Variants in LRCH1 observed in about 807,000 individuals in gnomAD.
The protein encoded by LRCH1 is leucine-rich repeat and calponin homology domain-containing protein 1.
A neutral mutation model predicts 94.9 loss-of-function variants in LRCH1; 23 were observed. The ratio of observed to expected loss-of-function variants is 0.24; its 90% CI spans 0.17 to 0.34. LRCH1 has a LOEUF of 0.34. Ranked by LOEUF, LRCH1 falls within the 10% of genes least tolerant of loss-of-function variation. The pLI, the probability that LRCH1 is intolerant of heterozygous loss-of-function variation, is 1.00. For missense variants in LRCH1, 790 were observed against 945.9 expected (o/e 0.84, Z 2.16); for synonymous variants, 364 against 354.9 (o/e 1.03, Z -0.29).
intron 1 of LRCH1, among the ~76,000 whole-genome samples, chr13:46,647,112 C>CA (rs61648661): frequency 6.4e-3 from 540 of 84,178 alleles, no homozygotes; most frequent in South Asian, 0.013. Flanking sequence ...GACTCCAACT[C>CA]AAAAAAAAAA....
chr13:46,588,708 C>T (rs1262385447), intron 1 of LRCH1, among the ~76,000 whole-genome samples: 3 of 150,216 alleles, frequency 2.0e-5, no homozygotes, highest in Non-Finnish European at 3.0e-5. Context: ...TCAAGTGATT[C>T]TCCTGCCTTA....
chr13:46,703,291 A>G (rs1403419409), intron 11 of LRCH1, among the ~76,000 whole-genome samples: 2 of 152,236 alleles, frequency 1.3e-5, no homozygotes, highest in Non-Finnish European at 2.9e-5. Flanking sequence ...AATTAGCTAG[A>G]AACTTTTTAA....
intron 1 of LRCH1, among the ~76,000 whole-genome samples, chr13:46,576,528 A>C (rs895681310): frequency 1.3e-5 from 2 of 152,182 alleles, no homozygotes; most frequent in African/African-American, 2.4e-5. Context: ...CAACATGTTC[A>C]CATTGCTATC....
At chr13:46,629,140 C>G (rs1355511899) in intron 1 of LRCH1, among the ~76,000 whole-genome samples, 1 of 152,116 alleles carries the variant, frequency 6.6e-6, no homozygotes, top group Non-Finnish European at 1.5e-5. Context: ...TTTGAAAACC[C>G]CAAGGGCAAA....
At chr13:46,624,118 A>C (rs1323265199) in intron 1 of LRCH1, among the ~76,000 whole-genome samples, 2 of 152,012 alleles carry the variant, frequency 1.3e-5, no homozygotes, top group African/African-American at 4.8e-5. Flanking sequence ...TCCTGGCCTT[A>C]AATGATCCTC....
At chr13:46,751,340 CT>C (rs1874129362) in exon 19 of LRCH1, 2 of 152,056 alleles carry the variant, frequency 1.3e-5, no homozygotes, top group Admixed American at 1.3e-4. Context: ...AAAACAGGTG[CT>C]TTTAGGACAC....
At position 46,570,337 on chromosome 13, in the gene LRCH1, C is replaced by T. The variant is rs1301913378; in HGVS notation, c.307+16634C>T. On this transcript the variant is annotated intron_variant, in intron 1 of 19. Coordinates refer to ENST00000389797, the MANE Select transcript of LRCH1 (RefSeq NM_001164211.2). Reference sequence around the variant, plus strand: ...GACATTGACTGTGCCTTTGCTATGGCTTGGCATCGAGATGGTTTAGCTTAT... The same window carrying T: ...GACATTGACTGTGCCTTTGCTATGGTTTGGCATCGAGATGGTTTAGCTTAT... 2.0e-5 allele frequency among the ~76,000 whole-genome samples: 3 copies of T among 152,208 alleles called. No homozygotes were observed. The East Asian group carries it at 5.8e-4, about 29-fold the overall frequency.
At chr13:46,658,991 A>G (rs2051411030) in intron 2 of LRCH1, among the ~76,000 whole-genome samples, 1 of 152,148 alleles carries the variant, frequency 6.6e-6, no homozygotes. Context: ...AAGTACAGCA[A>G]ATTTAACATT....
rs929810238 is a variant in LRCH1, at chr13:46,708,561, T to C, written c.1528-3230T>C. 2.0e-5 allele frequency among the ~76,000 whole-genome samples: 3 copies of C among 152,304 alleles called. No homozygotes were observed. The East Asian group carries it at 5.8e-4, about 29-fold the overall frequency. On this transcript the variant is annotated intron_variant, in intron 13 of 19. Coordinates refer to ENST00000389797, the MANE Select transcript of LRCH1 (RefSeq NM_001164211.2). ...TGCTGGGATTTCAGGCATGAGCCAC[T>C]GCACCCAGCCTGATCCCATCTTTTA...
chr13:46,619,330 C>T (rs944824360), intron 1 of LRCH1, among the ~76,000 whole-genome samples: 6 of 152,028 alleles, frequency 3.9e-5, no homozygotes, highest in Non-Finnish European at 5.9e-5. Context: ...AGGCTGGTCT[C>T]GGACTCTTGG....
At chr13:46,583,325 G>T (rs936505242) in intron 1 of LRCH1, among the ~76,000 whole-genome samples, 2 of 152,160 alleles carry the variant, frequency 1.3e-5, no homozygotes, top group Non-Finnish European at 2.9e-5. Context: ...GAGATTACTG[G>T]CCAAATTGAA....
At chr13:46,681,033 T>C (rs2051743712) in intron 3 of LRCH1, among the ~76,000 whole-genome samples, 1 of 152,158 alleles carries the variant, frequency 6.6e-6, no homozygotes, top group Non-Finnish European at 1.5e-5. Context: ...TAGAAGATTA[T>C]AAATGTCAAG....
At chr13:46,664,955 G>A (rs1469920037) in intron 2 of LRCH1, among the ~76,000 whole-genome samples, 1 of 152,120 alleles carries the variant, frequency 6.6e-6, no homozygotes, top group African/African-American at 2.4e-5. Flanking sequence ...GCTTAGTCTG[G>A]GAGGGGCAGT....
intron 3 of LRCH1, among the ~76,000 whole-genome samples, chr13:46,679,168 C>T (rs1016543083): frequency 5.3e-5 from 8 of 152,206 alleles, no homozygotes; most frequent in Non-Finnish European, 5.9e-5. Context: ...CCCACGAGCA[C>T]GCCCATTTCT....
At chr13:46,650,630 T>C (rs1324607739) in intron 2 of LRCH1, among the ~76,000 whole-genome samples, 17 of 150,976 alleles carry the variant, frequency 1.1e-4, no homozygotes, top group Admixed American at 1.1e-3. Flanking sequence ...TGTAAGGTTG[T>C]AGTTATGTTG....
intron 19 of LRCH1, among the ~76,000 whole-genome samples, chr13:46,736,784 A>T (rs1873407310): frequency 6.6e-6 from 1 of 152,186 alleles, no homozygotes. Context: ...AGAGATCTTA[A>T]GTTCTGCATT....
At chr13:46,700,744 G>T (rs1326675673) in intron 10 of LRCH1, among the ~76,000 whole-genome samples, 1 of 152,180 alleles carries the variant, frequency 6.6e-6, no homozygotes, top group Non-Finnish European at 1.5e-5. Flanking sequence ...ACGGGAGTTG[G>T]AAGGCCCAGA....
At chr13:46,715,751 G>C in intron 16 of LRCH1, 87 bp downstream of exon 16, 3 of 831,906 alleles carry the variant, frequency 3.6e-6, no homozygotes, top group Non-Finnish European at 5.9e-6. Context: ...GCTGAAGATA[G>C]AGTATATTCA....
chr13:46,694,648 T>C (rs1174494645), intron 8 of LRCH1, among the ~76,000 whole-genome samples: 2 of 152,216 alleles, frequency 1.3e-5, no homozygotes, highest in African/African-American at 2.4e-5. Flanking sequence ...GAAAATCTAA[T>C]TTTTCTCATA....
Sources: gnomAD v4.1 joint callset for allele counts (sites outside exome capture counted in the v4.1 genomes callset) on GRCh38, gnomAD v4.1.1 for gene constraint, MANE v1.5 for transcripts, NCBI Gene and HGNC (gene_info 2026-07-23, HGNC 2026-07-21) for gene names.